The following AGPAT4 variants were observed in gnomAD, a reference collection of about 807,000 sequenced individuals.
AGPAT4 encodes 1-acyl-sn-glycerol-3-phosphate acyltransferase delta.
A neutral mutation model predicts 48.0 loss-of-function variants in AGPAT4; 15 were observed. The ratio of observed to expected loss-of-function variants is 0.31; its 90% CI spans 0.21 to 0.48. The LOEUF is 0.48. Ranked by LOEUF, AGPAT4 falls within the 20% of genes least tolerant of loss-of-function variation. The pLI is 0.99. For missense variants in AGPAT4, 314 were observed against 482.5 expected (o/e 0.65, Z 3.27); for synonymous variants, 178 against 198.7 (o/e 0.90, Z 0.88).
chr6:161,185,482 C>T (rs916684928), intron 2 of AGPAT4, among the ~76,000 whole-genome samples: 1 of 151,990 alleles, frequency 6.6e-6, no homozygotes, highest in African/African-American at 2.4e-5. Flanking sequence ...TTATAAAACA[C>T]ATCTCATGAC....
rs987118610 is a variant in AGPAT4, at chr6:161,190,598, A to T, written c.179-24181T>A. 2.2e-4 allele frequency among the ~76,000 whole-genome samples: 33 copies of T among 152,162 alleles called. 1 individual carries two copies. Among genetic ancestry groups the T allele is most frequent in the African/African-American group, 7.2e-4 (30 of 41,546 alleles). On this transcript the variant is annotated intron_variant, in intron 2 of 8. Coordinates refer to ENST00000320285, the MANE Select transcript of AGPAT4 (RefSeq NM_020133.3). ...AGAAGAAACCAAGGGAAAAAAAAAA[A>T]AAAAAAGATCCTTAGACCTTAAGAT...
At chr6:161,174,279 C>T (rs906891335) in intron 2 of AGPAT4, among the ~76,000 whole-genome samples, 1 of 152,178 alleles carries the variant, frequency 6.6e-6, no homozygotes, top group Non-Finnish European at 1.5e-5. Context: ...TATCCATGAG[C>T]ATGGAATGTT....
At chr6:161,172,768 T>C (rs1297158762) in intron 2 of AGPAT4, among the ~76,000 whole-genome samples, 4 of 152,160 alleles carry the variant, frequency 2.6e-5, no homozygotes, top group Non-Finnish European at 5.9e-5. Flanking sequence ...ACATTAGGTA[T>C]ATCTCCTAAT....
At position 161,219,297 on chromosome 6, in the gene AGPAT4, G is replaced by A. The variant is rs1781737428; in HGVS notation, c.178+12739C>T. Among the ~76,000 whole-genome samples the A allele has an allele frequency of 6.6e-6, 1 of 151,518 alleles. No homozygotes were observed. Among genetic ancestry groups the A allele is most frequent in the African/African-American group, 2.4e-5 (1 of 41,232 alleles). ...ATTAGCATATACAACTTTTATATAT[G>A]TAAAATTTGTATTTTATATAATTTA... On this transcript the variant is annotated intron_variant, in intron 2 of 8. Coordinates refer to ENST00000320285, the MANE Select transcript of AGPAT4 (RefSeq NM_020133.3). This position sits in a 1 kb window ranked among gnomAD's most constrained non-coding sequence, Gnocchi z 4.9.
rs114774568 is a variant in AGPAT4 at position 161,232,878 on chromosome 6, C to T, written c.-89-576G>A. 3.2e-4 allele frequency among the ~76,000 whole-genome samples: 48 copies of T among 152,272 alleles called. No homozygotes were observed. The highest frequency in any genetic ancestry group is 1.1e-3 in the African/African-American group (44 of 41,550). ...GGTGCCACCCCTCAAGCAACCGGGACTAGGGAAGCATTTACTTGAAAACCA... is the reference window on the plus strand; with the variant it reads ...GGTGCCACCCCTCAAGCAACCGGGATTAGGGAAGCATTTACTTGAAAACCA... On this transcript the variant is annotated intron_variant, in intron 1 of 8. Transcript: ENST00000320285. The surrounding 1 kb of genome is among the most constrained non-coding windows in gnomAD (Gnocchi z 6.8).
chr6:161,234,660 G>A lies in AGPAT4; in HGVS notation c.-89-2358C>T, dbSNP rs1782221772. On this transcript the variant is annotated intron_variant, in intron 1 of 8. Transcript: ENST00000320285. This position sits in a 1 kb window ranked among gnomAD's most constrained non-coding sequence, Gnocchi z 4.4. Reference sequence around the variant, plus strand: ...CAATTTGTTCATTGTCCCCGGATTAGCCACTAATAGCGTCAAGACAATCTG... The same window carrying A: ...CAATTTGTTCATTGTCCCCGGATTAACCACTAATAGCGTCAAGACAATCTG... Among the ~76,000 whole-genome samples the A allele has an allele frequency of 6.6e-6, 1 of 152,074 alleles. No individual in the cohort carries two copies. Among genetic ancestry groups the A allele is most frequent in the Non-Finnish European group, 1.5e-5 (1 of 68,024 alleles).
Position 161,242,765 on chromosome 6 carries a change from T to C in AGPAT4, c.-89-10463A>G, listed in dbSNP as rs1782529392. Among the ~76,000 whole-genome samples, 1 of 152,132 alleles carries C rather than the reference T, an allele frequency of 6.6e-6. No homozygotes were observed. The highest frequency in any genetic ancestry group is 2.4e-5 in the African/African-American group (1 of 41,424). On this transcript the variant is annotated intron_variant, in intron 1 of 8. Transcript: ENST00000320285. This position sits in a 1 kb window ranked among gnomAD's most constrained non-coding sequence, Gnocchi z 5.0. ...AACAGGGGAAACGTCCACAACATTA[T>C]ATTCTGGTTAATAAGGAAACCTAGG...
chr6:161,270,906 AACAATGGCAATGGCAGG>A lies in AGPAT4; in HGVS notation c.-90+3015_-90+3031del, dbSNP rs1261172285. Among the ~76,000 whole-genome samples the A allele has an allele frequency of 6.6e-6, 1 of 152,220 alleles. No individual in the cohort carries two copies. Among genetic ancestry groups the A allele is most frequent in the Non-Finnish European group, 1.5e-5 (1 of 68,042 alleles). On this transcript the variant is annotated intron_variant, in intron 1 of 8. Transcript: ENST00000320285. The surrounding 1 kb of genome is among the most constrained non-coding windows in gnomAD (Gnocchi z 5.3). ...CTCATTTGAGCATCCAATAATTTAA[AACAATGGCAATGGCAGG>A]AATTATGAAGATGACATTCCGGGTA...
At chr6:161,174,271 T>C (rs1267380024) in intron 2 of AGPAT4, among the ~76,000 whole-genome samples, 1 of 152,194 alleles carries the variant, frequency 6.6e-6, no homozygotes, top group Non-Finnish European at 1.5e-5. Context: ...ATTCTTCCTA[T>C]CCATGAGCAT....
intron 2 of AGPAT4, among the ~76,000 whole-genome samples, chr6:161,183,872 C>T (rs1345911549): frequency 6.6e-6 from 1 of 151,148 alleles, no homozygotes. Context: ...GCAGGGAGGG[C>T]TTCCATATTC....
rs1432978090 is a variant in AGPAT4, at chr6:161,217,455, C to CATATA, written c.178+14580_178+14581insTATAT. The stretch of plus-strand genomic sequence containing the variant: ...TAACAGCCTGTCACAACGTTGCAGG[C>CATATA]GATATCCAAGCCCAAAAGACATGCT... On this transcript the variant is annotated intron_variant, in intron 2 of 8. Transcript: ENST00000320285. The surrounding 1 kb of genome is among the most constrained non-coding windows in gnomAD (Gnocchi z 4.9). Among the ~76,000 whole-genome samples, 5 of 152,150 alleles carry CATATA rather than the reference C, an allele frequency of 3.3e-5. No homozygotes were observed. The highest frequency in any genetic ancestry group is 7.3e-5 in the Non-Finnish European group (5 of 68,032).
At position 161,137,928 on chromosome 6, in the gene AGPAT4, G is replaced by A. The variant is rs981951296; in HGVS notation, c.1043-1294C>T. Among the ~76,000 whole-genome samples, 1 of 152,114 alleles carries A rather than the reference G, an allele frequency of 6.6e-6. No individual in the cohort carries two copies. Among genetic ancestry groups the A allele is most frequent in the African/African-American group, 2.4e-5 (1 of 41,424 alleles). On this transcript the variant is annotated intron_variant, in intron 8 of 8. Transcript: ENST00000320285. The surrounding 1 kb of genome is among the most constrained non-coding windows in gnomAD (Gnocchi z 6.1). ...CGCCCTGTGTCCACACTGCACCCTG[G>A]GCAGTGCTCAGGCTTCTTTTTTTGG...
chr6:161,154,048 C>A lies in AGPAT4; in HGVS notation c.510+101G>T. Reference sequence around the variant, plus strand: ...GGTCACACACAGCCCTGGAGTCGCACAGGACCACACAGTCACGTGTCCTGT... The same window carrying A: ...GGTCACACACAGCCCTGGAGTCGCAAAGGACCACACAGTCACGTGTCCTGT... On this transcript the variant is annotated intron_variant, in intron 4 of 8. Transcript: ENST00000320285. The surrounding 1 kb of genome is among the most constrained non-coding windows in gnomAD (Gnocchi z 7.8). 1 of 1,505,806 alleles carries A rather than the reference C, an allele frequency of 6.6e-7. No homozygotes were observed. The highest frequency in any genetic ancestry group is 2.3e-5 in the East Asian group (1 of 44,078). The allele number at this position is 1,505,806 out of a possible 1,614,324, so 93.3% of individuals were successfully genotyped here.
In AGPAT4 at chr6:161,206,539, G is replaced by C. The variant is rs9458151; in HGVS notation, c.178+25497C>G. On this transcript the variant is annotated intron_variant, in intron 2 of 8. Coordinates refer to ENST00000320285, the MANE Select transcript of AGPAT4 (RefSeq NM_020133.3). The surrounding 1 kb of genome is among the most constrained non-coding windows in gnomAD (Gnocchi z 4.8). ...TAATAAGGTGGCATCCCTTGACCCA[G>C]TGACACAGTATCAGAGAAAATCTGT... Among the ~76,000 whole-genome samples the C allele has an allele frequency of 6.6e-6, 1 of 152,156 alleles. No individual in the cohort carries two copies. Among genetic ancestry groups the C allele is most frequent in the Non-Finnish European group, 1.5e-5 (1 of 68,026 alleles).
intron 2 of AGPAT4, among the ~76,000 whole-genome samples, chr6:161,175,666 T>G (rs1780408722): frequency 6.6e-6 from 1 of 152,198 alleles, no homozygotes; most frequent in Non-Finnish European, 1.5e-5. Context: ...AGTTATTTCT[T>G]GTCTTCTGCT....
chr6:161,138,850 C>T lies in AGPAT4; in HGVS notation c.1042+572G>A, dbSNP rs1300595249. ...AAGCAGGCACGACAGGCTGCCCCGCCAGAGGCAAGGAGCAGGGTGCACAGG... is the reference window on the plus strand; with the variant it reads ...AAGCAGGCACGACAGGCTGCCCCGCTAGAGGCAAGGAGCAGGGTGCACAGG... On this transcript the variant is annotated intron_variant, in intron 8 of 8. Coordinates refer to ENST00000320285, the MANE Select transcript of AGPAT4 (RefSeq NM_020133.3). The surrounding 1 kb of genome is among the most constrained non-coding windows in gnomAD (Gnocchi z 4.8). Among the ~76,000 whole-genome samples, 5 of 152,146 alleles carry T rather than the reference C, an allele frequency of 3.3e-5. No homozygotes were observed. Among genetic ancestry groups the T allele is most frequent in the Non-Finnish European group, 5.9e-5 (4 of 68,022 alleles).
chr6:161,220,950 A>AT lies in AGPAT4; in HGVS notation c.178+11085dup, dbSNP rs996870994. 8.6e-5 allele frequency among the ~76,000 whole-genome samples: 13 copies of AT among 151,624 alleles called. No individual in the cohort carries two copies. The highest frequency in any genetic ancestry group is 3.1e-4 in the African/African-American group (13 of 41,328). ...AGGCGCGTGCCACCACACCTGGCTA[A>AT]TTTTTTTTATTTTTAGTAGAGACGG... On this transcript the variant is annotated intron_variant, in intron 2 of 8. Coordinates refer to ENST00000320285, the MANE Select transcript of AGPAT4 (RefSeq NM_020133.3). This position sits in a 1 kb window ranked among gnomAD's most constrained non-coding sequence, Gnocchi z 6.0.
At position 161,244,676 on chromosome 6, in the gene AGPAT4, T is replaced by A. The variant is rs974697940; in HGVS notation, c.-89-12374A>T. ...CAAACAGAGATAGCGAACTGCATTC[T>A]CTGACATCTCCGATCCAGTAAAGCC... is the stretch of plus-strand genomic sequence containing the variant. On this transcript the variant is annotated intron_variant, in intron 1 of 8. Coordinates refer to ENST00000320285, the MANE Select transcript of AGPAT4 (RefSeq NM_020133.3). The surrounding 1 kb of genome is among the most constrained non-coding windows in gnomAD (Gnocchi z 4.7). Among the ~76,000 whole-genome samples the A allele has an allele frequency of 2.0e-5, 3 of 152,208 alleles. No homozygotes were observed. Among genetic ancestry groups the A allele is most frequent in the African/African-American group, 7.2e-5 (3 of 41,448 alleles).
At chr6:161,162,038 G>C (rs1183554821) in intron 3 of AGPAT4, 2 of 157,604 alleles carry the variant, frequency 1.3e-5, no homozygotes, top group Non-Finnish European at 2.8e-5. Flanking sequence ...CAAATTCCTG[G>C]CTTCAAGCCA....
Sources: gnomAD v4.1 joint callset for allele counts (sites outside exome capture counted in the v4.1 genomes callset) on GRCh38, gnomAD v4.1.1 for gene constraint, Gnocchi (gnomAD v3.1) non-coding constraint, MANE v1.5 for transcripts, NCBI Gene and HGNC (gene_info 2026-07-23, HGNC 2026-07-21) for gene names.